Variants in CDH23 observed in about 807,000 individuals in gnomAD.
CDH23 encodes the protein cadherin related 23.
Under a neutral mutation model 317.1 loss-of-function variants are expected in CDH23, and 189 were observed. That is an observed-to-expected ratio of 0.60 (90% CI 0.53 to 0.67). The LOEUF (loss-of-function observed/expected upper bound fraction) is 0.67, where lower values mean the gene tolerates loss of function less well. Ranked by LOEUF, CDH23 falls within the 30% of genes least tolerant of loss-of-function variation. The probability of loss-of-function intolerance (pLI) is 0.00; values close to 1 mark genes in which losing one functional copy is unlikely to be tolerated. For synonymous variants in CDH23, 1,839 were observed against 1,876.8 expected, an observed-to-expected ratio of 0.98 and a Z score of 0.52; for missense variants, 4,401 against 4,592.4, an observed-to-expected ratio of 0.96 and a Z score of 1.20.
Position 71,785,049 on chromosome 10 carries a change from C to T in CDH23, c.5661C>T (p.Thr1887=), listed in dbSNP as rs1024709055. The change falls in exon 43 of 70, where the codon ACC becomes ACT. Residue 1887 remains threonine (T), a synonymous_variant. Transcript: ENST00000224721. Reference sequence around the variant, plus strand: ...ACAGTGGCTGCAATGCACGCCTCACCTTCAACATCACTGCGGGCAACCGCG... The same window carrying T: ...ACAGTGGCTGCAATGCACGCCTCACTTTCAACATCACTGCGGGCAACCGCG... ...DADSGCNARL[T]FNITAGNRER... is the part of the protein sequence containing the mutation. 1.2e-6 allele frequency: 2 copies of T among 1,613,994 alleles called. No individual in the cohort carries two copies. The highest frequency in any genetic ancestry group is 1.7e-6 in the Non-Finnish European group (2 of 1,179,918).
rs533453733 is a variant in CDH23 at position 71,724,551 on chromosome 10, C to T, written c.3430+446C>T. 1.1e-3 allele frequency among the ~76,000 whole-genome samples: 172 copies of T among 152,220 alleles called. 1 individual carries two copies. Among genetic ancestry groups the T allele is most frequent in the Non-Finnish European group, 1.4e-3 (94 of 68,048 alleles). On this transcript the variant is annotated intron_variant, in intron 29 of 69. Transcript: ENST00000224721. ...TCTCCTGACCTTGTGATCCACCCATCTCAGCCTTCCAAAGTGCTAGGATTA... is the reference window on the plus strand; with the variant it reads ...TCTCCTGACCTTGTGATCCACCCATTTCAGCCTTCCAAAGTGCTAGGATTA...
At chr10:71,590,030 G>GT (rs2132441271) in intron 9 of CDH23, among the ~76,000 whole-genome samples, 1 of 152,330 alleles carries the variant, frequency 6.6e-6, no homozygotes, top group South Asian at 2.1e-4. Context: ...CAGGCTGGCT[G>GT]TAAGCCCATT....
chr10:71,797,328 C>G (rs1439490218), intron 49 of CDH23, 108 bp downstream of exon 49: 1 of 740,122 alleles, frequency 1.4e-6, no homozygotes, highest in African/African-American at 1.7e-5. Context: ...CAACAAGACC[C>G]AGTTGCTCTG....
At chr10:71,599,291 C>A (rs1243141812) in intron 9 of CDH23, among the ~76,000 whole-genome samples, 1 of 152,014 alleles carries the variant, frequency 6.6e-6, no homozygotes. Flanking sequence ...ATCTCAGAGG[C>A]CTGTTCTGTG....
chr10:71,815,605 C>A lies in CDH23; in HGVS notation c.*327C>A. On this transcript the variant is annotated 3_prime_UTR_variant, in exon 70 of 70. Transcript: ENST00000224721. The stretch of plus-strand genomic sequence containing the variant: ...TGGCTCAGGCTGAGCTGAAAGAGGC[C>A]AAACAGGCCCTCCTCCCTCCCAGCT... The A allele has an allele frequency of 4.2e-6, 1 of 236,326 alleles. No individual in the cohort carries two copies. The highest frequency in any genetic ancestry group is 2.2e-5 in the African/African-American group (1 of 44,610). The allele number at this position is 236,326 out of a possible 1,614,324, so 14.6% of individuals were successfully genotyped here. A position where few individuals can be genotyped will look rare whatever the true frequency, so the allele number is the denominator to read the frequency against.
intron 1 of CDH23, among the ~76,000 whole-genome samples, chr10:71,420,747 G>A (rs1177197448): frequency 1.3e-5 from 2 of 152,076 alleles, no homozygotes. Flanking sequence ...AGAGATTAGG[G>A]AAACTGAGGC....
chr10:71,554,364 A>ATT (rs71480584), intron 6 of CDH23, among the ~76,000 whole-genome samples: 4 of 145,286 alleles, frequency 2.8e-5, no homozygotes, highest in African/African-American at 7.6e-5. Context: ...CACTGGACTA[A>ATT]TTTTTTTTTT....
intron 30 of CDH23, among the ~76,000 whole-genome samples, 165 bp downstream of exon 30, chr10:71,725,685 G>A (rs1324767754): frequency 2.0e-5 from 3 of 152,216 alleles, no homozygotes; most frequent in African/African-American, 7.2e-5. Flanking sequence ...CCCAGCCTGG[G>A]ACTTGGACTT....
chr10:71,809,920 C>T lies in CDH23; in HGVS notation c.8823C>T (p.Asn2941=), dbSNP rs370184182. 881 of 1,613,036 alleles carry T rather than the reference C, an allele frequency of 5.5e-4. 1 individual carries two copies. Among genetic ancestry groups the T allele is most frequent in the Non-Finnish European group, 6.9e-4 (809 of 1,179,882 alleles). ...TGGCCCGAGACCTGGCAGGCCACAA[C>T]GACACGGCCATCATCGGCATCTACA... ...DIVARDLAGH[N]DTAIIGIYIL... is the part of the protein sequence containing the mutation. Residue 2941 remains asparagine (N), a synonymous_variant, in exon 61 of 70, where the codon AAC becomes AAT. Transcript: ENST00000224721.
chr10:71,498,941 A>G (rs1853125314), intron 3 of CDH23, among the ~76,000 whole-genome samples: 1 of 152,246 alleles, frequency 6.6e-6, no homozygotes, highest in Non-Finnish European at 1.5e-5. Flanking sequence ...AGGATATCAA[A>G]GGGATAGCTG....
chr10:71,566,692 A>G (rs370891672), intron 6 of CDH23, 50 bp from the exon 7 acceptor site: 234 of 1,502,230 alleles, frequency 1.6e-4, no homozygotes, highest in Admixed American at 2.5e-4. Context: ...CTGATGGCGC[A>G]GCTGCTCCGC....
At chr10:71,799,407 T>G (rs1841494810) in intron 51 of CDH23, 85 bp from the exon 52 acceptor site, 1 of 1,605,596 alleles carries the variant, frequency 6.2e-7, no homozygotes, top group Admixed American at 1.7e-5. Context: ...AGCAGCTTGA[T>G]GCCTGCATCA....
rs572838013 is a variant in CDH23, at chr10:71,405,202, G to GC, written c.-6+7887dup. ...ACACAGACAGGAGATTAGCCATCCT[G>GC]CCCTGGCTTATAAGGGACTTTATTC... is the stretch of plus-strand genomic sequence containing the variant. On this transcript the variant is annotated intron_variant, in intron 1 of 69. Coordinates refer to ENST00000224721, the MANE Select transcript of CDH23 (RefSeq NM_022124.6). Among the ~76,000 whole-genome samples, 25 of 152,252 alleles carry GC rather than the reference G, an allele frequency of 1.6e-4. No homozygotes were observed. In the East Asian group the frequency reaches 4.6e-3, roughly 28 times the overall value.
intron 32 of CDH23, 178 bp downstream of exon 32, chr10:71,732,553 G>A (rs1244413871): frequency 7.6e-7 from 1 of 1,316,266 alleles, no homozygotes; most frequent in Admixed American, 2.5e-5. Flanking sequence ...GATTGCTTCA[G>A]CTCAGGAGTT....
In CDH23 at chr10:71,807,345, C is replaced by T. The variant is rs767660199; in HGVS notation, c.8247C>T (p.Asn2749=). The T allele has an allele frequency of 3.3e-5, 53 of 1,613,898 alleles. No homozygotes were observed. In the South Asian group the frequency reaches 4.1e-4, roughly 12 times the overall value. ...CACCACGCGGCACCCTCGTGGGCAACGTGACAGGCGCAGTGGATGCAGATG... is the reference window on the plus strand; with the variant it reads ...CACCACGCGGCACCCTCGTGGGCAATGTGACAGGCGCAGTGGATGCAGATG... ...EHSPRGTLVG[N]VTGAVDADEG... Residue 2749 remains asparagine (N), a synonymous_variant, in exon 58 of 70, where the codon AAC becomes AAT. Coordinates refer to ENST00000224721, the MANE Select transcript of CDH23 (RefSeq NM_022124.6).
At chr10:71,467,949 T>G (rs887673386) in intron 3 of CDH23, among the ~76,000 whole-genome samples, 1 of 152,168 alleles carries the variant, frequency 6.6e-6, no homozygotes, top group African/African-American at 2.4e-5. Context: ...TTATGGGAGC[T>G]CTGGCCTACC....
intron 22 of CDH23, among the ~76,000 whole-genome samples, chr10:71,700,291 G>C (rs1865534590): frequency 6.6e-6 from 1 of 152,160 alleles, no homozygotes; most frequent in Non-Finnish European, 1.5e-5. Flanking sequence ...GGAGGCTGAG[G>C]TGGGAGGATC....
chr10:71,471,574 A>G (rs1021396774), intron 3 of CDH23, among the ~76,000 whole-genome samples: 6 of 150,502 alleles, frequency 4.0e-5, no homozygotes, highest in African/African-American at 1.5e-4. Context: ...ACCTTCCTGG[A>G]CTCCAGTTGC....
intron 14 of CDH23, among the ~76,000 whole-genome samples, chr10:71,664,703 T>C (rs1863812649): frequency 6.6e-6 from 1 of 152,204 alleles, no homozygotes; most frequent in Admixed American, 6.5e-5. Context: ...CTCACAATAA[T>C]TCCCTGAGGT....
Sources: allele counts gnomAD v4.1 joint callset (sites outside exome capture counted in the v4.1 genomes callset), GRCh38; gene constraint gnomAD v4.1.1; transcripts MANE v1.5; gene names NCBI Gene and HGNC (gene_info 2026-07-23, HGNC 2026-07-21).